The following SLC26A4 variants were observed in gnomAD, a reference collection of about 807,000 sequenced individuals.
The protein encoded by SLC26A4 is pendrin.
A neutral mutation model predicts 90.4 loss-of-function variants in SLC26A4; 93 were observed. The observed-to-expected ratio is 1.03, with a 90% confidence interval of 0.87 to 1.22. The LOEUF is 1.22. SLC26A4 is among the 50% of genes most tolerant of loss of function. SLC26A4 has a pLI of 0.00. For synonymous variants in SLC26A4, 393 were observed against 354.6 expected, an observed-to-expected ratio of 1.11 and a Z score of -1.22; for missense variants, 1,127 against 946.2, an observed-to-expected ratio of 1.19 and a Z score of -2.51.
At chr7:107,693,952 G>A (rs1791655793) in intron 10 of SLC26A4, among the ~76,000 whole-genome samples, 1 of 152,158 alleles carries the variant, frequency 6.6e-6, no homozygotes, top group African/African-American at 2.4e-5. Flanking sequence ...TGCTATTATA[G>A]CTGCAGCTTC....
intron 18 of SLC26A4, among the ~76,000 whole-genome samples, chr7:107,709,505 T>C (rs1201253641): frequency 6.6e-6 from 1 of 152,210 alleles, no homozygotes; most frequent in African/African-American, 2.4e-5. Flanking sequence ...CAAAGTGATC[T>C]GCCCTCCTCG....
intron 3 of SLC26A4, among the ~76,000 whole-genome samples, chr7:107,666,887 G>T (rs1345766773): frequency 1.2e-4 from 18 of 152,152 alleles, no homozygotes; most frequent in Admixed American, 9.8e-4. Flanking sequence ...ATATTGCTGT[G>T]AATTAAAGGG....
intron 10 of SLC26A4, chr7:107,691,969 C>A (rs1332231740): frequency 3.1e-6 from 4 of 1,288,202 alleles, no homozygotes; most frequent in African/African-American, 3.0e-5. Flanking sequence ...CACTGACAAG[C>A]TCTCCAGAGC....
chr7:107,688,858 G>A (rs1309268136), intron 8 of SLC26A4, among the ~76,000 whole-genome samples, 195 bp from the exon 9 acceptor site: 1 of 152,198 alleles, frequency 6.6e-6, no homozygotes, highest in Non-Finnish European at 1.5e-5. Context: ...AAATCAGCCA[G>A]TAAGATAACA....
intron 18 of SLC26A4, among the ~76,000 whole-genome samples, chr7:107,705,845 T>C (rs1356387051): frequency 1.6e-4 from 25 of 152,202 alleles, no homozygotes; most frequent in Non-Finnish European, 8.8e-5. Context: ...TTTTGGTTTG[T>C]AGTTTTATTG....
chr7:107,711,152 G>GA (rs113888005), intron 19 of SLC26A4, among the ~76,000 whole-genome samples: 1,473 of 124,484 alleles, frequency 0.012, 24 homozygotes, highest in African/African-American at 0.034. Context: ...TATAAAAAAG[G>GA]AAAAAAAAAA....
At chr7:107,672,471 A>G (rs917173931) in intron 4 of SLC26A4, among the ~76,000 whole-genome samples, 2 of 151,288 alleles carry the variant, frequency 1.3e-5, no homozygotes, top group African/African-American at 4.9e-5. Flanking sequence ...TTTTCTATTC[A>G]CTGATGTTAG....
chr7:107,692,684 C>T (rs1350918932), intron 10 of SLC26A4, among the ~76,000 whole-genome samples: 1 of 152,118 alleles, frequency 6.6e-6, no homozygotes, highest in Non-Finnish European at 1.5e-5. Context: ...CTTTCCCTCA[C>T]CCCCATCTGA....
chr7:107,661,648 G>A lies in SLC26A4; in HGVS notation c.7G>A (p.Ala3Thr), dbSNP rs1403933917. The A allele has an allele frequency of 6.4e-7, 1 of 1,563,928 alleles. No individual in the cohort carries two copies. Among genetic ancestry groups the A allele is most frequent in the Non-Finnish European group, 8.6e-7 (1 of 1,160,290 alleles). The change falls in exon 2 of 21, where the codon GCG becomes ACG. Residue 3 changes from alanine to threonine, a missense_variant. Transcript: ENST00000644269. The surrounding 1 kb of genome is among the most constrained non-coding windows in gnomAD (Gnocchi z 5.1). ...GTCCTCTGGCTCGCAGGTCATGGCA[G>A]CGCCAGGCGGCAGGTCGGAGCCGCC... MA[A>T]PGGRSEPPQL...
Position 107,682,449 on chromosome 7 carries a change from TA to T in SLC26A4, c.766-751del, listed in dbSNP as rs538677788. Reference sequence around the variant, plus strand: ...TTTTAAATAAAACATGAAATTGTTTTAATTTAAAAAAAAGTATGCTTGGCCT... The same window carrying T: ...TTTTAAATAAAACATGAAATTGTTTTATTTAAAAAAAAGTATGCTTGGCCT... On this transcript the variant is annotated intron_variant, in intron 6 of 20. Transcript: ENST00000644269. Among the ~76,000 whole-genome samples the T allele has an allele frequency of 4.0e-3, 604 of 152,284 alleles. 8 individuals are homozygous for T. Among genetic ancestry groups the T allele is most frequent in the Non-Finnish European group, 4.6e-3 (313 of 68,022 alleles).
At chr7:107,703,433 G>A (rs1791952925) in intron 17 of SLC26A4, among the ~76,000 whole-genome samples, 1 of 152,170 alleles carries the variant, frequency 6.6e-6, no homozygotes, top group Non-Finnish European at 1.5e-5. Flanking sequence ...ATTGTGCTTG[G>A]CAAAAGAGTA....
chr7:107,704,359 T>C lies in SLC26A4; in HGVS notation c.2063T>C (p.Val688Ala), dbSNP rs727503429. The change falls in exon 18 of 21, where the codon GTG becomes GCG. Residue 688 changes from valine to alanine, a missense_variant. Transcript: ENST00000644269. ...GTCAAAGAATTCCAAAGAATTGATG[T>C]GAATGTGTATTTTGCATCACTTCAA... The part of the protein sequence containing the change: ...VIVKEFQRID[V>A]NVYFASLQDY... 7 of 1,404,636 alleles carry C rather than the reference T, an allele frequency of 5.0e-6. No individual in the cohort carries two copies. The highest frequency in any genetic ancestry group is 6.0e-6 in the Non-Finnish European group (6 of 993,030). 87.0% of individuals were successfully genotyped at this position (1,404,636 alleles called of 1,614,324 possible).
chr7:107,705,125 G>A (rs1362528770), intron 18 of SLC26A4, among the ~76,000 whole-genome samples: 1 of 152,180 alleles, frequency 6.6e-6, no homozygotes, highest in African/African-American at 2.4e-5. Flanking sequence ...AGCTCAAGAA[G>A]ACTAAAACAA....
chr7:107,681,674 G>C (rs56087472), intron 6 of SLC26A4, among the ~76,000 whole-genome samples: 29,837 of 152,042 alleles, frequency 0.2, 3,226 homozygotes, highest in Middle Eastern at 0.25. Context: ...AAAGATATTA[G>C]TGTTCTTCCT....
rs1409565648 is a variant in SLC26A4 at position 107,672,167 on chromosome 7, C to G, written c.334C>G (p.Pro112Ala). Reference sequence around the variant, plus strand: ...GGCATATGCCCTACTAGCTGCAGTTCCTGTCGGATATGGTCTCTACTCTGC... The same window carrying G: ...GGCATATGCCCTACTAGCTGCAGTTGCTGTCGGATATGGTCTCTACTCTGC... ...GMAYALLAAVPVGYGLYSAFF... is the reference protein window; with the variant it reads ...GMAYALLAAVAVGYGLYSAFF... The change falls in exon 4 of 21, where the codon CCT (proline) becomes GCT (alanine). Residue 112 changes from proline to alanine, a missense_variant. Transcript: ENST00000644269. The G allele has an allele frequency of 2.5e-6, 4 of 1,612,810 alleles. No individual in the cohort carries two copies. The highest frequency in any genetic ancestry group is 1.1e-5 in the South Asian group (1 of 91,048).
chr7:107,673,350 T>C (rs1328701472), intron 4 of SLC26A4, among the ~76,000 whole-genome samples: 1 of 152,160 alleles, frequency 6.6e-6, no homozygotes, highest in Non-Finnish European at 1.5e-5. Flanking sequence ...TGTTTTGTCT[T>C]ACAAAAAGAG....
intron 6 of SLC26A4, among the ~76,000 whole-genome samples, chr7:107,680,476 C>A (rs1054341419): frequency 1.4e-5 from 2 of 143,388 alleles, no homozygotes; most frequent in Admixed American, 1.4e-4. Context: ...TAAGTATAAT[C>A]TTATATTATT....
At chr7:107,668,602 T>C (rs1373053739) in intron 3 of SLC26A4, among the ~76,000 whole-genome samples, 1 of 152,216 alleles carries the variant, frequency 6.6e-6, no homozygotes, top group Non-Finnish European at 1.5e-5. Context: ...TGATTTTTGT[T>C]ATTAAAACAA....
At chr7:107,665,723 A>C (rs931084118) in intron 3 of SLC26A4, among the ~76,000 whole-genome samples, 31 of 152,236 alleles carry the variant, frequency 2.0e-4, no homozygotes, top group African/African-American at 7.2e-4. Flanking sequence ...GAATGTTGCC[A>C]GCTATCTCAT....
Sources: gnomAD v4.1 joint callset for allele counts (sites outside exome capture counted in the v4.1 genomes callset) on GRCh38, gnomAD v4.1.1 for gene constraint, Gnocchi (gnomAD v3.1) non-coding constraint, MANE v1.5 for transcripts, NCBI Gene and HGNC (gene_info 2026-07-23, HGNC 2026-07-21) for gene names.